KIF11: variants seen among roughly 807,000 people sequenced by gnomAD.
KIF11 encodes kinesin-like protein KIF11.
In KIF11, 9 loss-of-function variants were observed where a neutral mutation model predicts 121.0. The ratio of observed to expected loss-of-function variants is 0.07; its 90% CI spans 0.04 to 0.13. The LOEUF (loss-of-function observed/expected upper bound fraction) is 0.13. Among genes scored for constraint, KIF11 ranks in the 10% least tolerant of loss-of-function variants. The pLI, the probability that KIF11 is intolerant of heterozygous loss-of-function variation, is 1.00. For missense variants in KIF11, 846 were observed against 1,217.5 expected, an observed-to-expected ratio of 0.69 and a Z score of 4.54; for synonymous variants, 408 against 421.0, an observed-to-expected ratio of 0.97 and a Z score of 0.38.
Position 92,609,059 on chromosome 10 carries a change from A to G in KIF11, c.427A>G (p.Ile143Val), listed in dbSNP as rs995272207. The G allele has an allele frequency of 6.3e-6, 10 of 1,594,998 alleles. No homozygotes were observed. In the Admixed American group the frequency reaches 8.7e-5, roughly 14 times the overall value. The change falls in exon 5 of 22, where the codon ATT becomes GTT. Residue 143 changes from isoleucine (I) to valine (V), a missense_variant. Ile to Val is a conservative substitution (Grantham distance 29, BLOSUM62 3). Around this residue, in one of 5 missense-constraint regions of KIF11, gnomAD observed 140 missense variants for 193.5 expected, o/e 0.72. Coordinates refer to ENST00000260731, the MANE Select transcript of KIF11 (RefSeq NM_004523.4). ...TATAATTCCACGTACCCTTCATCAA[A>G]TTTTTGAGAAACTTACTGATAATGG... ...AGIIPRTLHQ[I>V]FEKLTDNGTE...
chr10:92,628,661 AC>A, intron 10 of KIF11, 146 bp from the exon 11 acceptor site: 1 of 458,534 alleles, frequency 2.2e-6, no homozygotes, highest in Non-Finnish European at 4.0e-6. Context: ...GCTTATTGAC[AC>A]AGGTATCAAG....
In KIF11 at chr10:92,613,217, G is replaced by C. The variant is rs1844516099; in HGVS notation, c.789+87G>C. ...TTTGTCCTTGAGACAAAATTTTTGTGGTCACTGGGTGATTAGCTTTGTAGT... is the reference window on the plus strand; with the variant it reads ...TTTGTCCTTGAGACAAAATTTTTGTCGTCACTGGGTGATTAGCTTTGTAGT... On this transcript the variant is annotated intron_variant, in intron 7 of 21. Transcript: ENST00000260731. The surrounding 1 kb of genome is among the most constrained non-coding windows in gnomAD (Gnocchi z 4.2). 1 of 1,155,208 alleles carries C rather than the reference G, an allele frequency of 8.7e-7. No homozygotes were observed. Among genetic ancestry groups the C allele is most frequent in the African/African-American group, 1.6e-5 (1 of 64,306 alleles). The allele number at this position is 1,155,208 out of a possible 1,614,324, so 71.6% of individuals were successfully genotyped here.
intron 5 of KIF11, 35 bp downstream of exon 5, chr10:92,609,240 T>G: frequency 6.5e-7 from 1 of 1,536,052 alleles, no homozygotes; most frequent in Non-Finnish European, 8.8e-7. Flanking sequence ...TGTCTCTGAA[T>G]TTTAATGTGT....
chr10:92,609,417 T>G lies in KIF11; in HGVS notation c.606T>G (p.Ile202Met), dbSNP rs748213759. The change falls in exon 6 of 22, where the codon ATT becomes ATG. Residue 202 changes from isoleucine to methionine, a missense_variant. By Grantham distance (10) the Ile-to-Met change is conservative (BLOSUM62 1). Transcript: ENST00000260731. ...TGATAATTAAAGGTTTAGAAGAAAT[T>G]ACAGTACACAACAAGGATGAAGTCT... ...RGVIIKGLEEITVHNKDEVYQ... is the reference protein window; with the variant it reads ...RGVIIKGLEEMTVHNKDEVYQ... The G allele has an allele frequency of 6.2e-7, 1 of 1,612,256 alleles. No homozygotes were observed. The highest frequency in any genetic ancestry group is 1.1e-5 in the South Asian group (1 of 90,974).
intron 4 of KIF11, among the ~76,000 whole-genome samples, chr10:92,608,770 G>A (rs992802531): frequency 1.3e-5 from 2 of 152,140 alleles, no homozygotes; most frequent in Admixed American, 1.3e-4. Context: ...GGTTCCATTG[G>A]TTTCTATGTA....
In KIF11 at chr10:92,630,378, G is replaced by T. The variant is rs375048315; in HGVS notation, c.1494+14G>T. The T allele has an allele frequency of 3.3e-6, 5 of 1,523,836 alleles. No homozygotes were observed. The African/African-American group carries it at 4.2e-5, about 13-fold the overall frequency. The allele number at this position is 1,523,836 out of a possible 1,614,324, so 94.4% of individuals were successfully genotyped here. On this transcript the variant is annotated intron_variant, in intron 12 of 21. Transcript: ENST00000260731. ...GCTGCCAGCAAGGTTTGTCCCTTGT[G>T]TTGATTTGTACTCATATTAAGTAGA...
chr10:92,621,316 G>C, intron 9 of KIF11, 69 bp from the exon 10 acceptor site: 2 of 824,300 alleles, frequency 2.4e-6, no homozygotes, highest in Non-Finnish European at 3.9e-6. Flanking sequence ...CATTTTATTT[G>C]TTGCATGTCC....
At chr10:92,624,228 C>CTTTTTTT (rs201871020) in intron 10 of KIF11, among the ~76,000 whole-genome samples, 2 of 99,834 alleles carry the variant, frequency 2.0e-5, no homozygotes, top group African/African-American at 7.7e-5. Context: ...TGATCTCATT[C>CTTTTTTT]TTTTTTTTTT....
chr10:92,651,491 A>C (rs1341247740), intron 21 of KIF11, among the ~76,000 whole-genome samples: 1 of 119,684 alleles, frequency 8.4e-6, no homozygotes, highest in Admixed American at 1.1e-4. Flanking sequence ...ATGTGCCACC[A>C]TGCCTGGCTA....
At chr10:92,635,611 T>C (rs1844787065) in intron 14 of KIF11, among the ~76,000 whole-genome samples, 1 of 152,160 alleles carries the variant, frequency 6.6e-6, no homozygotes, top group African/African-American at 2.4e-5. Flanking sequence ...GATCACAGTG[T>C]ATAATGAAAA....
At chr10:92,651,529 T>TTTTG (rs1844983093) in intron 21 of KIF11, among the ~76,000 whole-genome samples, 1 of 120,448 alleles carries the variant, frequency 8.3e-6, no homozygotes, top group East Asian at 2.3e-4. Flanking sequence ...TTTTTTTTTT[T>TTTTG]TTTTTTTTTT....
chr10:92,643,676 C>T (rs1844890123), intron 17 of KIF11, among the ~76,000 whole-genome samples: 1 of 151,488 alleles, frequency 6.6e-6, no homozygotes, highest in South Asian at 2.1e-4. Context: ...CCTGCCTCAG[C>T]CTCCCAAGTA....
chr10:92,629,705 C>G (rs1844715997), intron 11 of KIF11, among the ~76,000 whole-genome samples: 1 of 152,144 alleles, frequency 6.6e-6, no homozygotes, highest in Non-Finnish European at 1.5e-5. Flanking sequence ...CCTCAAACTT[C>G]TGGTCTCAAG....
chr10:92,623,082 A>G (rs1443017833), intron 10 of KIF11, among the ~76,000 whole-genome samples: 2 of 152,240 alleles, frequency 1.3e-5, no homozygotes, highest in Non-Finnish European at 2.9e-5. Context: ...AGAGAACCAG[A>G]CCATATCAAG....
chr10:92,649,751 GATTA>G (rs1254745335), intron 19 of KIF11, 80 bp from the exon 20 acceptor site: 18 of 873,580 alleles, frequency 2.1e-5, no homozygotes, highest in Non-Finnish European at 3.2e-5. Context: ...TAGAAGACAA[GATTA>G]ATTAGGAAGT....
At chr10:92,598,016 G>GACTCA (rs887509621) in intron 1 of KIF11, among the ~76,000 whole-genome samples, 1 of 152,042 alleles carries the variant, frequency 6.6e-6, no homozygotes, top group Non-Finnish European at 1.5e-5. Flanking sequence ...TGAACTCCTG[G>GACTCA]ACTCAAATAG....
Position 92,650,451 on chromosome 10 carries a change from A to G in KIF11, c.2973A>G (p.Leu991=). Residue 991 remains leucine, a synonymous_variant, in exon 21 of 22, where the codon CTA becomes CTG. Coordinates refer to ENST00000260731, the MANE Select transcript of KIF11 (RefSeq NM_004523.4). ...AVLGQYTEEP[L]SQEPSVDAGV... ...TGGGGCAGTATACTGAAGAACCTCT[A>G]AGTCAAGAGCCATCTGTAGATGCTG... is the stretch of plus-strand genomic sequence containing the variant. 6.2e-7 allele frequency: 1 copy of G among 1,613,842 alleles called. No individual in the cohort carries two copies. Among genetic ancestry groups the G allele is most frequent in the Admixed American group, 1.7e-5 (1 of 60,024 alleles).
At chr10:92,629,195 G>C (rs1284728352) in intron 11 of KIF11, among the ~76,000 whole-genome samples, 1 of 151,764 alleles carries the variant, frequency 6.6e-6, no homozygotes. Context: ...TGCTGGCCAG[G>C]CTGGTCTTGA....
chr10:92,604,405 A>G lies in KIF11; in HGVS notation c.78-1860A>G, dbSNP rs544433455. Among the ~76,000 whole-genome samples the G allele has an allele frequency of 4.6e-5, 7 of 152,316 alleles. No individual in the cohort carries two copies. In the South Asian group the frequency reaches 1.2e-3, roughly 27 times the overall value. The stretch of plus-strand genomic sequence containing the variant: ...GACTAATTGGAAAAGCTTTAGCCAC[A>G]TGAGAGCAATTCACTCCACTTGATG... On this transcript the variant is annotated intron_variant, in intron 1 of 21. Coordinates refer to ENST00000260731, the MANE Select transcript of KIF11 (RefSeq NM_004523.4).
Sources: allele counts gnomAD v4.1 joint callset (sites outside exome capture counted in the v4.1 genomes callset), GRCh38; gene constraint gnomAD v4.1.1; regional missense constraint gnomAD v4.1.1; non-coding constraint Gnocchi (gnomAD v3.1); transcripts MANE v1.5; gene names NCBI Gene and HGNC (gene_info 2026-07-23, HGNC 2026-07-21).